NFIX: variants seen among roughly 807,000 people sequenced by gnomAD.
NFIX encodes the protein nuclear factor 1 X-type.
Under a neutral mutation model 53.3 loss-of-function variants are expected in NFIX, and 2 were observed. That is an observed-to-expected ratio of 0.04 (90% CI 0.02 to 0.12). NFIX has a LOEUF of 0.12. Ranked by LOEUF, NFIX falls within the 10% of genes least tolerant of loss-of-function variation. The pLI, the probability that NFIX is intolerant of heterozygous loss-of-function variation, is 1.00. For missense variants in NFIX, 310 were observed against 674.5 expected (o/e 0.46, Z 5.99); for synonymous variants, 244 against 289.0 (o/e 0.84, Z 1.58).
intron 2 of NFIX, among the ~76,000 whole-genome samples, chr19:13,046,529 C>A (rs2014999057): frequency 6.6e-6 from 1 of 151,808 alleles, no homozygotes; most frequent in African/African-American, 2.4e-5. Context: ...TTTTTCCTTG[C>A]ATACACTCTT....
rs540611906 is a variant in NFIX at position 13,034,400 on chromosome 19, G to A, written c.559+8848G>A. ...CAGCATGCTAGCATAGACGGGCTGA[G>A]TCTAGCATAGACAGGGGCCAGGTTG... is the stretch of plus-strand genomic sequence containing the variant. On this transcript the variant is annotated intron_variant, in intron 2 of 10. Transcript: ENST00000592199. 1.4e-3 allele frequency among the ~76,000 whole-genome samples: 213 copies of A among 152,332 alleles called. 1 individual carries two copies. The highest frequency in any genetic ancestry group is 2.3e-3 in the Non-Finnish European group (158 of 68,026).
chr19:13,007,490 G>C (rs898114373), intron 1 of NFIX, among the ~76,000 whole-genome samples: 1 of 152,228 alleles, frequency 6.6e-6, no homozygotes, highest in Non-Finnish European at 1.5e-5. Context: ...AGGGGGCTAG[G>C]GTGGGCATCT....
At chr19:13,083,881 TG>T (rs1276644473) in intron 8 of NFIX, among the ~76,000 whole-genome samples, 1 of 152,118 alleles carries the variant, frequency 6.6e-6, no homozygotes, top group Non-Finnish European at 1.5e-5. Flanking sequence ...ACTGATCCAG[TG>T]GGTAGGGAGT....
Position 13,025,628 on chromosome 19 carries a change from A to T in NFIX, c.559+76A>T. On this transcript the variant is annotated intron_variant, in intron 2 of 10. Transcript: ENST00000592199. The surrounding 1 kb of genome is among the most constrained non-coding windows in gnomAD (Gnocchi z 7.5). The stretch of plus-strand genomic sequence containing the variant: ...ATTTGTTCTGTTTATTGTTCCTCTA[A>T]TTTCCAAGCGATAACTCGCCATGGG... The T allele has an allele frequency of 6.6e-7, 1 of 1,520,888 alleles. No homozygotes were observed. The highest frequency in any genetic ancestry group is 8.9e-7 in the Non-Finnish European group (1 of 1,128,538). The allele number at this position is 1,520,888 out of a possible 1,614,324, so 94.2% of individuals were successfully genotyped here. A position where few individuals can be genotyped will look rare whatever the true frequency, so the allele number is the denominator to read the frequency against.
chr19:13,009,796 TGA>T lies in NFIX; in HGVS notation c.27+13934_27+13935del. On this transcript the variant is annotated intron_variant, in intron 1 of 10. Coordinates refer to ENST00000592199, the MANE Select transcript of NFIX (RefSeq NM_001365902.3). The surrounding 1 kb of genome is among the most constrained non-coding windows in gnomAD (Gnocchi z 4.7). Reference sequence around the variant, plus strand: ...ACTACAAGTACAGTAGCACTAGGCTTGAGTGTCTGATGTGTGAGTGGCCATGT... The same window carrying T: ...ACTACAAGTACAGTAGCACTAGGCTTGTGTCTGATGTGTGAGTGGCCATGT... Among the ~76,000 whole-genome samples, 1 of 152,168 alleles carries T rather than the reference TGA, an allele frequency of 6.6e-6. No homozygotes were observed. Among genetic ancestry groups the T allele is most frequent in the Non-Finnish European group, 1.5e-5 (1 of 68,018 alleles).
intron 5 of NFIX, among the ~76,000 whole-genome samples, chr19:13,075,143 C>CCTGACATTTTTGTCCCT (rs1157553245): frequency 1.3e-5 from 2 of 150,370 alleles, no homozygotes; most frequent in African/African-American, 4.9e-5. Flanking sequence ...TTTTTGTCCC[C>CCTGACATTTTTGTCCCT]CTGACATTTT....
rs971186258 is a variant in NFIX, at chr19:13,067,471, TGTGTGTGTGTGC to T, written c.560-5564_560-5553del. On this transcript the variant is annotated intron_variant, in intron 2 of 10. Coordinates refer to ENST00000592199, the MANE Select transcript of NFIX (RefSeq NM_001365902.3). This position sits in a 1 kb window ranked among gnomAD's most constrained non-coding sequence, Gnocchi z 4.2. ...CTCCGTGTGTGTGCGCGCGTGTGTG[TGTGTGTGTGTGC>T]GTGTGTGTGTGTGTGTGTGTGTATG... Among the ~76,000 whole-genome samples, 3 of 116,618 alleles carry T rather than the reference TGTGTGTGTGTGC, an allele frequency of 2.6e-5. No homozygotes were observed. Among genetic ancestry groups the T allele is most frequent in the African/African-American group, 8.1e-5 (2 of 24,772 alleles). 76.5% of individuals were successfully genotyped at this position (116,618 alleles called of 152,430 possible).
intron 2 of NFIX, among the ~76,000 whole-genome samples, chr19:13,064,315 A>C (rs1009223321): frequency 4.6e-5 from 7 of 152,166 alleles, no homozygotes; most frequent in Admixed American, 1.3e-4. Context: ...CCTGGCCTGG[A>C]CGCCCATGGG....
intron 1 of NFIX, among the ~76,000 whole-genome samples, chr19:13,020,368 A>G (rs1805472377): frequency 6.6e-6 from 1 of 152,148 alleles, no homozygotes; most frequent in African/African-American, 2.4e-5. Context: ...AACCCGAGCA[A>G]TTCCTCTGTG....
rs1019496953 is a variant in NFIX, at chr19:13,037,153, C to A, written c.559+11601C>A. Among the ~76,000 whole-genome samples the A allele has an allele frequency of 1.1e-4, 17 of 152,120 alleles. No individual in the cohort carries two copies. The highest frequency in any genetic ancestry group is 1.8e-4 in the Non-Finnish European group (12 of 68,006). On this transcript the variant is annotated intron_variant, in intron 2 of 10. Coordinates refer to ENST00000592199, the MANE Select transcript of NFIX (RefSeq NM_001365902.3). The surrounding 1 kb of genome is among the most constrained non-coding windows in gnomAD (Gnocchi z 4.2). ...CTTTCATCTTTAGGGGGTCTCAAGT[C>A]CCCTTTCCTGTGTGTAGCAGATTCT...
intron 1 of NFIX, among the ~76,000 whole-genome samples, chr19:13,000,193 C>G (rs1206928150): frequency 6.6e-6 from 1 of 152,160 alleles, no homozygotes; most frequent in Non-Finnish European, 1.5e-5. Context: ...ACCTGAAGCA[C>G]AGGATTTTCC....
Position 13,078,617 on chromosome 19 carries a change from G to A in NFIX, c.960G>A (p.Pro320=), listed in dbSNP as rs908030976. The A allele has an allele frequency of 7.5e-6, 12 of 1,600,076 alleles. No individual in the cohort carries two copies. The African/African-American group carries it at 1.3e-4, about 18-fold the overall frequency. Residue 320 remains proline, a synonymous_variant, in exon 7 of 11, where the codon CCG becomes CCA. Transcript: ENST00000592199. This position sits in a 1 kb window ranked among gnomAD's most constrained non-coding sequence, Gnocchi z 4.7. Reference sequence around the variant, plus strand: ...GTTGCTGCTTCCTCCCCCCAGGCCCGGCTTCTCTAAAGAAGTCAGGAAAGC... The same window carrying A: ...GTTGCTGCTTCCTCCCCCCAGGCCCAGCTTCTCTAAAGAAGTCAGGAAAGC... ...SGWPNDVDAG[P]ASLKKSGKLD...
At chr19:13,054,742 G>C (rs541221800) in intron 2 of NFIX, among the ~76,000 whole-genome samples, 2 of 152,274 alleles carry the variant, frequency 1.3e-5, no homozygotes, top group South Asian at 4.1e-4. Context: ...GGTGGTTGGT[G>C]CCTAGAGCCC....
rs1479324036 is a variant in NFIX, at chr19:13,006,322, A to G, written c.27+10458A>G. Among the ~76,000 whole-genome samples, 1 of 152,172 alleles carries G rather than the reference A, an allele frequency of 6.6e-6. No homozygotes were observed. Among genetic ancestry groups the G allele is most frequent in the East Asian group, 1.9e-4 (1 of 5,188 alleles). On this transcript the variant is annotated intron_variant, in intron 1 of 10. Coordinates refer to ENST00000592199, the MANE Select transcript of NFIX (RefSeq NM_001365902.3). The surrounding 1 kb of genome is among the most constrained non-coding windows in gnomAD (Gnocchi z 5.6). ...CTCTCCAGGGGGCAGACTGGAGGTCAAGGGTGTGTGGCTCAGCATGGCATG... is the reference window on the plus strand; with the variant it reads ...CTCTCCAGGGGGCAGACTGGAGGTCGAGGGTGTGTGGCTCAGCATGGCATG...
chr19:13,015,951 G>A (rs1347377572), intron 1 of NFIX, among the ~76,000 whole-genome samples: 1 of 152,222 alleles, frequency 6.6e-6, no homozygotes, highest in Non-Finnish European at 1.5e-5. Flanking sequence ...TGATACTGGT[G>A]TGACAAGGAG....
chr19:13,015,827 C>T (rs867735176), intron 1 of NFIX, among the ~76,000 whole-genome samples: 1 of 152,136 alleles, frequency 6.6e-6, no homozygotes, highest in African/African-American at 2.4e-5. Flanking sequence ...CACGCACACG[C>T]ACTCTGCAGC....
rs993839463 is a variant in NFIX at position 13,052,786 on chromosome 19, G to T, written c.560-20261G>T. On this transcript the variant is annotated intron_variant, in intron 2 of 10. Transcript: ENST00000592199. This position sits in a 1 kb window ranked among gnomAD's most constrained non-coding sequence, Gnocchi z 5.2. ...CGTGAGGTTGGCACCCCCTGCACCC[G>T]TCCACACACACAGACCAGAGGAGTG... Among the ~76,000 whole-genome samples, 1 of 152,158 alleles carries T rather than the reference G, an allele frequency of 6.6e-6. No individual in the cohort carries two copies. The highest frequency in any genetic ancestry group is 1.5e-5 in the Non-Finnish European group (1 of 68,024).
intron 2 of NFIX, among the ~76,000 whole-genome samples, chr19:13,065,807 C>T (rs895143052): frequency 5.9e-5 from 9 of 152,118 alleles, no homozygotes; most frequent in Non-Finnish European, 8.8e-5. Context: ...TGCTAATGAA[C>T]GGGAGCCAAG....
intron 2 of NFIX, chr19:13,069,752 CG>C (rs1208925329): frequency 2.6e-5 from 4 of 152,310 alleles, no homozygotes; most frequent in Admixed American, 1.3e-4. Context: ...GGGCAGTGTG[CG>C]GGGCCTGCGA....
Sources: gnomAD v4.1 joint callset for allele counts (sites outside exome capture counted in the v4.1 genomes callset) on GRCh38, gnomAD v4.1.1 for gene constraint, Gnocchi (gnomAD v3.1) non-coding constraint, MANE v1.5 for transcripts, NCBI Gene and HGNC (gene_info 2026-07-23, HGNC 2026-07-21) for gene names.